The following PPFIA2 variants were observed in gnomAD, a reference collection of about 807,000 sequenced individuals.
The protein encoded by PPFIA2 is liprin-alpha-2.
Under a neutral mutation model 175.5 loss-of-function variants are expected in PPFIA2, and 46 were observed. The ratio of observed to expected loss-of-function variants is 0.26; its 90% CI spans 0.21 to 0.34. The LOEUF (loss-of-function observed/expected upper bound fraction) is 0.34, where lower values mean the gene tolerates loss of function less well. Ranked by LOEUF, PPFIA2 falls within the 10% of genes least tolerant of loss-of-function variation. PPFIA2 has a pLI of 1.00. For synonymous variants in PPFIA2, 568 were observed against 511.4 expected, an observed-to-expected ratio of 1.11 and a Z score of -1.49; for missense variants, 1,179 against 1,506.1, an observed-to-expected ratio of 0.78 and a Z score of 3.60.
chr12:81,741,902 T>A (rs991378130), intron 3 of PPFIA2, among the ~76,000 whole-genome samples: 3 of 152,116 alleles, frequency 2.0e-5, no homozygotes, highest in African/African-American at 4.8e-5. Context: ...GATGTAATAA[T>A]TTCATAAATT....
At chr12:81,685,858 A>G (rs1322328274) in intron 3 of PPFIA2, among the ~76,000 whole-genome samples, 2 of 152,084 alleles carry the variant, frequency 1.3e-5, no homozygotes, top group Non-Finnish European at 2.9e-5. Flanking sequence ...ATTAACATTT[A>G]TTAAGCATTT....
At chr12:81,359,310 T>C (rs1286749613) in intron 15 of PPFIA2, among the ~76,000 whole-genome samples, 1 of 152,002 alleles carries the variant, frequency 6.6e-6, no homozygotes, top group Non-Finnish European at 1.5e-5. Flanking sequence ...CTTAAGAAAG[T>C]TCTTGTTTTG....
intron 8 of PPFIA2, among the ~76,000 whole-genome samples, chr12:81,403,379 T>C (rs2042384468): frequency 6.6e-6 from 1 of 152,222 alleles, no homozygotes; most frequent in Admixed American, 6.5e-5. Flanking sequence ...CTGTAACCAG[T>C]TCCCGAAAAA....
At chr12:81,382,490 A>G (rs781677646) in intron 9 of PPFIA2, among the ~76,000 whole-genome samples, 2 of 152,186 alleles carry the variant, frequency 1.3e-5, no homozygotes, top group African/African-American at 4.8e-5. Context: ...ACAGATGACC[A>G]TTGAAATAAT....
intron 4 of PPFIA2, among the ~76,000 whole-genome samples, chr12:81,667,181 A>T (rs914907766): frequency 1.6e-4 from 24 of 152,036 alleles, no homozygotes; most frequent in African/African-American, 5.5e-4. Context: ...TCTTTTACCT[A>T]CTTTCCACTA....
intron 7 of PPFIA2, chr12:81,429,913 T>C (rs549441141): frequency 2.6e-5 from 4 of 152,178 alleles, no homozygotes; most frequent in African/African-American, 7.2e-5. Flanking sequence ...ATTCGCTTAG[T>C]CTTATTGGTT....
At chr12:81,597,258 T>A (rs1414879910) in intron 4 of PPFIA2, among the ~76,000 whole-genome samples, 2 of 152,106 alleles carry the variant, frequency 1.3e-5, no homozygotes, top group Non-Finnish European at 2.9e-5. Context: ...AGTTTAGACT[T>A]AGCCATTTTC....
At chr12:81,361,997 G>C (rs1189113190) in intron 15 of PPFIA2, among the ~76,000 whole-genome samples, 1 of 122,930 alleles carries the variant, frequency 8.1e-6, no homozygotes, top group African/African-American at 3.2e-5. Context: ...ATCTATCTAT[G>C]TATCTATGTA....
At chr12:81,375,969 C>G (rs2036259408) in intron 9 of PPFIA2, 27 bp from the exon 10 acceptor site, 1 of 1,582,202 alleles carries the variant, frequency 6.3e-7, no homozygotes, top group Non-Finnish European at 8.6e-7. Context: ...TTAGAAAAAG[C>G]AAATCAGATT....
intron 4 of PPFIA2, among the ~76,000 whole-genome samples, chr12:81,559,357 T>A (rs1847686989): frequency 6.6e-6 from 1 of 152,212 alleles, no homozygotes; most frequent in Admixed American, 6.5e-5. Flanking sequence ...AGCAAGGATA[T>A]TATAGGACAA....
At chr12:81,432,589 C>G (rs2048291387) in intron 7 of PPFIA2, among the ~76,000 whole-genome samples, 1 of 151,714 alleles carries the variant, frequency 6.6e-6, no homozygotes. Context: ...CCTCAGCCTC[C>G]TGAGTAGCTG....
At chr12:81,457,735 T>A in intron 5 of PPFIA2, 30 bp downstream of exon 5, 2 of 1,404,084 alleles carry the variant, frequency 1.4e-6, no homozygotes, top group Non-Finnish European at 2.0e-6. Flanking sequence ...ACAAATAGAA[T>A]TAATTCCAAA....
chr12:81,304,289 T>C (rs1677878696), intron 22 of PPFIA2, among the ~76,000 whole-genome samples: 1 of 152,212 alleles, frequency 6.6e-6, no homozygotes, highest in African/African-American at 2.4e-5. Context: ...GCTCTGTGTC[T>C]GAGTTGATTA....
rs1291272680 is a variant in PPFIA2, at chr12:81,396,753, T to C, written c.762+9034A>G. On this transcript the variant is annotated intron_variant, in intron 8 of 32. Transcript: ENST00000549396. Reference sequence around the variant, plus strand: ...ACTCTGATTCATGCTGTTTTAAAAATAGACTGGAGATGGCCCATGGGAGAA... The same window carrying C: ...ACTCTGATTCATGCTGTTTTAAAAACAGACTGGAGATGGCCCATGGGAGAA... Among the ~76,000 whole-genome samples the C allele has an allele frequency of 4.6e-5, 7 of 152,154 alleles. 1 individual carries two copies. The South Asian group carries it at 1.0e-3, about 23-fold the overall frequency.
At chr12:81,599,373 G>A (rs2059571368) in intron 4 of PPFIA2, among the ~76,000 whole-genome samples, 1 of 151,942 alleles carries the variant, frequency 6.6e-6, no homozygotes, top group South Asian at 2.1e-4. Flanking sequence ...AACATCAATG[G>A]AAAGGATGCA....
At chr12:81,363,114 ATGTCT>A (rs943647568) in intron 14 of PPFIA2, among the ~76,000 whole-genome samples, 1 of 151,506 alleles carries the variant, frequency 6.6e-6, no homozygotes, top group Non-Finnish European at 1.5e-5. Context: ...AATAAAGAAA[ATGTCT>A]TATTTATGCA....
intron 2 of PPFIA2, 49 bp from the exon 3 acceptor site, chr12:81,754,272 A>T: frequency 6.5e-7 from 1 of 1,535,772 alleles, no homozygotes; most frequent in Admixed American, 2.0e-5. Flanking sequence ...ATGATTTCCA[A>T]TAATTTCATT....
intron 3 of PPFIA2, among the ~76,000 whole-genome samples, chr12:81,696,424 C>A (rs1234710373): frequency 6.6e-6 from 1 of 152,148 alleles, no homozygotes; most frequent in Non-Finnish European, 1.5e-5. Flanking sequence ...AGCATAATTT[C>A]ATCAGGAAGT....
chr12:81,274,474 A>C (rs539691773), intron 28 of PPFIA2, among the ~76,000 whole-genome samples: 1 of 152,300 alleles, frequency 6.6e-6, no homozygotes, highest in Admixed American at 6.5e-5. Flanking sequence ...AAGACAAATA[A>C]AGCATTAATT....
Sources: gnomAD v4.1 joint callset for allele counts (sites outside exome capture counted in the v4.1 genomes callset) on GRCh38, gnomAD v4.1.1 for gene constraint, MANE v1.5 for transcripts, NCBI Gene and HGNC (gene_info 2026-07-23, HGNC 2026-07-21) for gene names.